The following SYNPO2 variants were observed in gnomAD, a reference collection of about 807,000 sequenced individuals.
SYNPO2 encodes synaptopodin 2, also known as synaptopodin-2.
SYNPO2 carries 56 observed loss-of-function variants against 85.0 expected under a neutral mutation model. The ratio of observed to expected loss-of-function variants is 0.66; its 90% CI spans 0.53 to 0.82. The LOEUF is 0.82. SYNPO2 is among the 40% of genes least tolerant of loss of function. The probability of loss-of-function intolerance (pLI) is 0.00; values close to 1 mark genes in which losing one functional copy is unlikely to be tolerated. For missense variants in SYNPO2, 1,575 were observed against 1,534.2 expected (o/e 1.03, Z -0.44); for synonymous variants, 602 against 591.1 (o/e 1.02, Z -0.27).
intron 1 of SYNPO2, among the ~76,000 whole-genome samples, chr4:119,020,174 T>A (rs531095144): frequency 1.3e-5 from 2 of 152,050 alleles, no homozygotes; most frequent in South Asian, 4.1e-4. Context: ...GGAGAAAGAG[T>A]AGTCCTTCAG....
At chr4:118,956,203 G>A (rs1447167797) in intron 1 of SYNPO2, among the ~76,000 whole-genome samples, 1 of 152,160 alleles carries the variant, frequency 6.6e-6, no homozygotes, top group Non-Finnish European at 1.5e-5. Context: ...TGATTTTAAA[G>A]AGAAACTGGG....
rs1560972516 is a variant in SYNPO2 at position 119,007,263 on chromosome 4, T to TATAC, written c.106-16164_106-16163insCATA. On this transcript the variant is annotated intron_variant, in intron 1 of 4. Transcript: ENST00000307142. ...ATATATATGTATATACATATATATA[T>TATAC]ATATATATATATGTATATACATATA... Among the ~76,000 whole-genome samples the TATAC allele has an allele frequency of 5.3e-4, 41 of 77,762 alleles. 1 individual carries two copies. The highest frequency in any genetic ancestry group is 1.2e-3 in the South Asian group (3 of 2,456). The allele number at this position is 77,762 out of a possible 152,430, so 51.0% of individuals were successfully genotyped here.
chr4:118,940,136 C>A (rs1166035587), intron 1 of SYNPO2, among the ~76,000 whole-genome samples: 1 of 152,036 alleles, frequency 6.6e-6, no homozygotes, highest in Admixed American at 6.5e-5. Context: ...CAGGTACACG[C>A]CACCAAGCCC....
intron 1 of SYNPO2, among the ~76,000 whole-genome samples, chr4:119,007,139 G>A (rs1172020720): frequency 7.1e-6 from 1 of 140,582 alleles, no homozygotes; most frequent in African/African-American, 2.6e-5. Context: ...TTCTCTCTCT[G>A]TCTCTCACAC....
chr4:118,984,764 G>A (rs1231033975), intron 1 of SYNPO2, among the ~76,000 whole-genome samples: 1 of 152,076 alleles, frequency 6.6e-6, no homozygotes, highest in East Asian at 1.9e-4. Context: ...AGTCAGCCTG[G>A]TTTTGTAGTT....
rs569189485 is a variant in SYNPO2, at chr4:119,058,111, T to C, written c.*177T>C. On this transcript the variant is annotated 3_prime_UTR_variant, in exon 5 of 5. Transcript: ENST00000307142. ...GTGTGTGTGTGTATGTATGTGAATA[T>C]ACACACACACACACACACAGGTGAG... is the stretch of plus-strand genomic sequence containing the variant. 172 of 444,202 alleles carry C rather than the reference T, an allele frequency of 3.9e-4. No homozygotes were observed. Among genetic ancestry groups the C allele is most frequent in the Non-Finnish European group, 5.0e-4 (123 of 248,060 alleles). 27.5% of individuals were successfully genotyped at this position (444,202 alleles called of 1,614,324 possible).
chr4:118,889,824 TA>T (rs1266754179), intron 1 of SYNPO2, among the ~76,000 whole-genome samples: 1 of 152,258 alleles, frequency 6.6e-6, no homozygotes, highest in Non-Finnish European at 1.5e-5. Context: ...AACACATTAA[TA>T]ACTATTTAAA....
At chr4:118,857,028 T>C (rs183234753) in intron 1 of SYNPO2, among the ~76,000 whole-genome samples, 148 of 152,230 alleles carry the variant, frequency 9.7e-4, no homozygotes, top group African/African-American at 3.4e-3. Flanking sequence ...GTATAGACTT[T>C]TATATTTATA....
At chr4:118,879,477 A>G (rs957575726) in intron 1 of SYNPO2, among the ~76,000 whole-genome samples, 1 of 152,106 alleles carries the variant, frequency 6.6e-6, no homozygotes, top group African/African-American at 2.4e-5. Flanking sequence ...AAGACGAGAG[A>G]CACAAGAGAG....
intron 1 of SYNPO2, among the ~76,000 whole-genome samples, chr4:118,874,554 G>A (rs968881677): frequency 2.0e-5 from 3 of 152,166 alleles, no homozygotes; most frequent in African/African-American, 7.2e-5. Flanking sequence ...CCCTGTGACT[G>A]AACCATGGCT....
chr4:118,944,828 G>A (rs945831576), intron 1 of SYNPO2, among the ~76,000 whole-genome samples: 3 of 152,236 alleles, frequency 2.0e-5, no homozygotes, highest in Non-Finnish European at 2.9e-5. Flanking sequence ...ACCCAGTGGT[G>A]GAGTTTAGCT....
At chr4:118,907,500 A>G (rs529243523) in intron 1 of SYNPO2, among the ~76,000 whole-genome samples, 20 of 152,326 alleles carry the variant, frequency 1.3e-4, no homozygotes, top group Admixed American at 2.0e-4. Context: ...GACATTGTTC[A>G]TCTATTCCTT....
At chr4:118,984,274 A>G (rs752434297) in intron 1 of SYNPO2, among the ~76,000 whole-genome samples, 13 of 152,212 alleles carry the variant, frequency 8.5e-5, no homozygotes, top group South Asian at 2.1e-4. Flanking sequence ...AATTTACATT[A>G]TGTACCATCT....
At chr4:118,918,280 A>G (rs1350375387) in intron 1 of SYNPO2, among the ~76,000 whole-genome samples, 1 of 152,156 alleles carries the variant, frequency 6.6e-6, no homozygotes, top group African/African-American at 2.4e-5. Context: ...TTTCACATGT[A>G]CCCAGGTGTG....
rs76111703 is a variant in SYNPO2 at position 118,983,606 on chromosome 4, C to T, written c.106-39824C>T. ...GAATTCAATAACAAGCATACTCACT[C>T]GCTGAACATTTCTCCTTAGTCTCTG... is the stretch of plus-strand genomic sequence containing the variant. On this transcript the variant is annotated intron_variant, in intron 1 of 4. Transcript: ENST00000307142. Among the ~76,000 whole-genome samples, 1,130 of 152,274 alleles carry T rather than the reference C, an allele frequency of 7.4e-3. 7 individuals are homozygous for T. The highest frequency in any genetic ancestry group is 0.013 in the Non-Finnish European group (856 of 68,022).
intron 1 of SYNPO2, among the ~76,000 whole-genome samples, chr4:118,911,467 C>T (rs1201115730): frequency 6.6e-6 from 1 of 152,158 alleles, no homozygotes; most frequent in Non-Finnish European, 1.5e-5. Flanking sequence ...ATCTAGTCAC[C>T]TTTCAAGCAG....
intron 1 of SYNPO2, among the ~76,000 whole-genome samples, chr4:118,997,955 G>A (rs1342975056): frequency 6.6e-6 from 1 of 152,126 alleles, no homozygotes; most frequent in Non-Finnish European, 1.5e-5. Context: ...TTATTTCCAA[G>A]ATCTTAGATG....
At chr4:118,931,921 G>A (rs1291393920) in intron 1 of SYNPO2, among the ~76,000 whole-genome samples, 1 of 152,112 alleles carries the variant, frequency 6.6e-6, no homozygotes, top group African/African-American at 2.4e-5. Flanking sequence ...ATTTGAATTT[G>A]GTGAGTTACA....
Position 119,002,032 on chromosome 4 carries a change from A to C in SYNPO2, c.106-21398A>C, listed in dbSNP as rs369648400. The stretch of plus-strand genomic sequence containing the variant: ...TAGTGCCCCCCATCCTCCCAATATA[A>C]TTATATTTTGATTGAATCACTATTC... On this transcript the variant is annotated intron_variant, in intron 1 of 4. Transcript: ENST00000307142. Among the ~76,000 whole-genome samples the C allele has an allele frequency of 2.6e-5, 4 of 152,218 alleles. No homozygotes were observed. The East Asian group carries it at 7.7e-4, about 29-fold the overall frequency.
Sources: gnomAD v4.1 joint callset for allele counts (sites outside exome capture counted in the v4.1 genomes callset) on GRCh38, gnomAD v4.1.1 for gene constraint, MANE v1.5 for transcripts, NCBI Gene and HGNC (gene_info 2026-07-23, HGNC 2026-07-21) for gene names.